SEPTIN11: variants seen among roughly 807,000 people sequenced by gnomAD.
SEPTIN11 encodes the protein septin-11.
A neutral mutation model predicts 51.4 loss-of-function variants in SEPTIN11; 25 were observed. The ratio of observed to expected loss-of-function variants is 0.49; its 90% CI spans 0.35 to 0.68. The LOEUF (loss-of-function observed/expected upper bound fraction) is 0.68, where lower values mean the gene tolerates loss of function less well. Among genes scored for constraint, SEPTIN11 ranks in the 30% least tolerant of loss-of-function variants. The probability of loss-of-function intolerance (pLI) is 0.00; values close to 1 mark genes in which losing one functional copy is unlikely to be tolerated. For missense variants in SEPTIN11, 381 were observed against 520.8 expected (o/e 0.73, Z 2.61); for synonymous variants, 174 against 184.1 (o/e 0.95, Z 0.44).
intron 2 of SEPTIN11, among the ~76,000 whole-genome samples, chr4:77,001,044 C>T (rs1724084721): frequency 6.6e-6 from 1 of 152,164 alleles, no homozygotes; most frequent in African/African-American, 2.4e-5. Context: ...ATTAATAATA[C>T]AATCCCTCTG....
At chr4:76,976,283 A>G (rs1722499081) in intron 1 of SEPTIN11, among the ~76,000 whole-genome samples, 1 of 152,058 alleles carries the variant, frequency 6.6e-6, no homozygotes, top group Admixed American at 6.6e-5. Context: ...ACCCCTTTTG[A>G]TACCTGGCTC....
chr4:77,036,765 C>T lies in SEPTIN11; in HGVS notation c.*2253C>T. The T allele has an allele frequency of 6.5e-7, 1 of 1,534,072 alleles. No individual in the cohort carries two copies. The highest frequency in any genetic ancestry group is 8.7e-7 in the Non-Finnish European group (1 of 1,146,456). ...TCTTTCTGTATCTATGCCTTTTTTT[C>T]ACAGTAGTCCTTGGCTCTGCACGGA... On this transcript the variant is annotated 3_prime_UTR_variant, in exon 10 of 10. Transcript: ENST00000264893.
rs530105852 is a variant in SEPTIN11 at position 76,979,742 on chromosome 4, G to A, written c.28-16683G>A. 1.3e-4 allele frequency among the ~76,000 whole-genome samples: 20 copies of A among 151,890 alleles called. No individual in the cohort carries two copies. The South Asian group carries it at 4.0e-3, about 30-fold the overall frequency. On this transcript the variant is annotated intron_variant, in intron 1 of 9. Transcript: ENST00000264893. ...CTACTAAAAAATACAAAAATTAGCC[G>A]AGCGTGCTGGTGGGCGCCTGTAATC...
chr4:76,959,060 A>G, intron 1 of SEPTIN11: 1 of 700,006 alleles, frequency 1.4e-6, no homozygotes, highest in Non-Finnish European at 2.7e-6. Flanking sequence ...GAAAGACTTG[A>G]TCATTTTGCA....
At chr4:77,010,454 C>T (rs1724781929) in intron 3 of SEPTIN11, among the ~76,000 whole-genome samples, 1 of 150,506 alleles carries the variant, frequency 6.6e-6, no homozygotes, top group Non-Finnish European at 1.5e-5. Flanking sequence ...GAGGTACATC[C>T]TACCTTTTTT....
At chr4:76,985,997 G>A in intron 1 of SEPTIN11, among the ~76,000 whole-genome samples, 1 of 152,130 alleles carries the variant, frequency 6.6e-6, no homozygotes, top group Non-Finnish European at 1.5e-5. Context: ...GAAAAATTTG[G>A]CCGAAAAGAG....
intron 5 of SEPTIN11, among the ~76,000 whole-genome samples, chr4:77,016,615 C>CACATATATATATATATACACATATATAT (rs1553975015): frequency 6.3e-5 from 5 of 79,192 alleles, no homozygotes. Context: ...TATATATACA[C>CACATATATATATATATACACATATATAT]ATATATATAT....
intron 1 of SEPTIN11, among the ~76,000 whole-genome samples, chr4:76,989,460 A>G (rs1178951320): frequency 6.6e-6 from 1 of 152,236 alleles, no homozygotes; most frequent in Non-Finnish European, 1.5e-5. Context: ...CCGCCTGCTG[A>G]TAAGGATCAG....
Position 77,036,110 on chromosome 4 carries a change from G to A in SEPTIN11, c.*1598G>A, listed in dbSNP as rs193214870. The A allele has an allele frequency of 1.7e-3, 1,644 of 985,912 alleles. 3 individuals carry two copies. The highest frequency in any genetic ancestry group is 1.9e-3 in the Non-Finnish European group (1,547 of 830,020). The allele number at this position is 985,912 out of a possible 1,614,324, so 61.1% of individuals were successfully genotyped here. On this transcript the variant is annotated 3_prime_UTR_variant, in exon 10 of 10. Transcript: ENST00000264893. Reference sequence around the variant, plus strand: ...TGTCCTCAACCATACTTAGAGGAAAGAAGGAATGGTCTTCCATGAACTGAT... The same window carrying A: ...TGTCCTCAACCATACTTAGAGGAAAAAAGGAATGGTCTTCCATGAACTGAT...
At chr4:76,956,993 T>TGAGA (rs149722958) in intron 1 of SEPTIN11, among the ~76,000 whole-genome samples, 26 of 98,576 alleles carry the variant, frequency 2.6e-4, no homozygotes, top group African/African-American at 6.9e-4. Context: ...TGTGTGTGTG[T>TGAGA]GAGAGAGAGA....
In SEPTIN11 at chr4:77,038,494, T is replaced by C; in HGVS notation, c.*3982T>C. The C allele has an allele frequency of 1.0e-6, 1 of 986,024 alleles. No individual in the cohort carries two copies. The highest frequency in any genetic ancestry group is 1.2e-6 in the Non-Finnish European group (1 of 830,040). 61.1% of individuals were successfully genotyped at this position (986,024 alleles called of 1,614,324 possible). ...TTTTTCAAATATGAAAGTGATCACT[T>C]AGCAACATGCTTGGTAATTTGGCAT... On this transcript the variant is annotated 3_prime_UTR_variant, in exon 10 of 10. Coordinates refer to ENST00000264893, the MANE Select transcript of SEPTIN11 (RefSeq NM_018243.4).
In SEPTIN11 at chr4:77,020,519, T is replaced by C. The variant is rs1336182074; in HGVS notation, c.802T>C (p.Cys268Arg). 12 of 1,613,710 alleles carry C rather than the reference T, an allele frequency of 7.4e-6. No homozygotes were observed. The highest frequency in any genetic ancestry group is 1.0e-5 in the Non-Finnish European group (12 of 1,179,946). ...TCTTGTAGTTGAGAATGAAAATCAT[T>C]GCGATTTTGTGAAACTTCGAGAGAT... ...GVVQVENENH[C>R]DFVKLREMLI... The change falls in exon 7 of 10, where the codon TGC becomes CGC. Residue 268 changes from cysteine (C) to arginine (R), a missense_variant. Physicochemically the swap from Cys to Arg is radical, Grantham distance 180. This residue lies in a region of SEPTIN11 where 197 missense variants were observed against 313.1 expected (regional missense o/e 0.63). Transcript: ENST00000264893.
intron 1 of SEPTIN11, among the ~76,000 whole-genome samples, chr4:76,990,057 CGGGTTGCCGCTGCTGGCTT>C (rs1723275085): frequency 6.6e-6 from 1 of 152,084 alleles, no homozygotes; most frequent in African/African-American, 2.4e-5. Flanking sequence ...GGGACCTGAG[CGGGTTGCCGCTGCTGGCTT>C]GGGTGGCCAG....
chr4:77,028,595 A>T, intron 7 of SEPTIN11, 34 bp from the exon 8 acceptor site: 2 of 1,550,866 alleles, frequency 1.3e-6, no homozygotes, highest in Non-Finnish European at 1.7e-6. Context: ...ATACAATTTC[A>T]TGATGCTGTC....
chr4:77,034,755 T>C lies in SEPTIN11; in HGVS notation c.*243T>C, dbSNP rs1726918567. On this transcript the variant is annotated 3_prime_UTR_variant, in exon 10 of 10. Transcript: ENST00000264893. ...TGTTTCCGGAAAGTAAATGATTTGC[T>C]TTTTATGCCTGTTCTGAATGGCAGC... 8.2e-7 allele frequency: 1 copy of C among 1,213,472 alleles called. No homozygotes were observed. Among genetic ancestry groups the C allele is most frequent in the Non-Finnish European group, 1.0e-6 (1 of 972,928 alleles). 75.2% of individuals were successfully genotyped at this position (1,213,472 alleles called of 1,614,324 possible). A position where few individuals can be genotyped will look rare whatever the true frequency, so the allele number is the denominator to read the frequency against.
chr4:76,950,038 G>GCCA, intron 1 of SEPTIN11, 108 bp downstream of exon 1: 1 of 1,199,524 alleles, frequency 8.3e-7, no homozygotes, highest in Non-Finnish European at 1.1e-6. Context: ...CGGCCCCGCG[G>GCCA]CGGCGGCGAC....
intron 5 of SEPTIN11, among the ~76,000 whole-genome samples, chr4:77,016,643 T>TATATATATATATATATAC (rs1725312133): frequency 3.2e-5 from 4 of 125,906 alleles, no homozygotes; most frequent in Non-Finnish European, 5.0e-5. Context: ...CATATATATA[T>TATATATATATATATATAC]ATATATATAT....
Position 77,037,601 on chromosome 4 carries a change from C to T in SEPTIN11, c.*3089C>T, listed in dbSNP as rs1324970367. The T allele has an allele frequency of 1.0e-6, 1 of 985,206 alleles. No homozygotes were observed. The highest frequency in any genetic ancestry group is 1.1e-4 in the East Asian group (1 of 8,822). The allele number at this position is 985,206 out of a possible 1,614,324, so 61.0% of individuals were successfully genotyped here. A position where few individuals can be genotyped will look rare whatever the true frequency, so the allele number is the denominator to read the frequency against. ...TGCTAACTGCTGACAGTGGCCACCT[C>T]TTTTTTGGGGATTGAGGGGCCTACA... On this transcript the variant is annotated 3_prime_UTR_variant, in exon 10 of 10. Coordinates refer to ENST00000264893, the MANE Select transcript of SEPTIN11 (RefSeq NM_018243.4).
intron 3 of SEPTIN11, among the ~76,000 whole-genome samples, chr4:77,010,945 A>G (rs562073553): frequency 6.6e-6 from 1 of 152,344 alleles, no homozygotes; most frequent in Admixed American, 6.5e-5. Context: ...ATATGCTATT[A>G]GTCATTGTGT....
Sources: allele counts gnomAD v4.1 joint callset (sites outside exome capture counted in the v4.1 genomes callset), GRCh38; gene constraint gnomAD v4.1.1; regional missense constraint gnomAD v4.1.1; transcripts MANE v1.5; gene names NCBI Gene and HGNC (gene_info 2026-07-23, HGNC 2026-07-21).